Variants in CDH9 observed in about 807,000 individuals in gnomAD.
CDH9 encodes cadherin 9, also known as cadherin-9.
In CDH9, 28 loss-of-function variants were observed where a neutral mutation model predicts 70.9. The observed-to-expected ratio is 0.40, with a 90% CI of 0.29 to 0.54. The LOEUF (loss-of-function observed/expected upper bound fraction) is 0.54. CDH9 is among the 20% of genes least tolerant of loss of function. CDH9 has a pLI of 0.59. For missense variants in CDH9, 874 were observed against 984.4 expected, an observed-to-expected ratio of 0.89 and a Z score of 1.50; for synonymous variants, 409 against 343.1, an observed-to-expected ratio of 1.19 and a Z score of -2.12.
chr5:27,008,843 A>G (rs1409741828), intron 1 of CDH9, among the ~76,000 whole-genome samples: 6 of 152,186 alleles, frequency 3.9e-5, no homozygotes, highest in African/African-American at 9.6e-5. Context: ...TAATACCACT[A>G]TAATTATTTG....
At chr5:26,943,832 A>T (rs1741702541) in intron 2 of CDH9, among the ~76,000 whole-genome samples, 1 of 152,224 alleles carries the variant, frequency 6.6e-6, no homozygotes, top group Admixed American at 6.5e-5. Flanking sequence ...TGCTAATTAC[A>T]TCAGTGTTAT....
intron 1 of CDH9, among the ~76,000 whole-genome samples, chr5:27,008,993 A>G (rs996374080): frequency 6.6e-6 from 1 of 152,198 alleles, no homozygotes; most frequent in Non-Finnish European, 1.5e-5. Context: ...CTTCAAAGGC[A>G]TTAGTGAAGA....
chr5:26,969,848 C>G (rs1742187963), intron 2 of CDH9, among the ~76,000 whole-genome samples: 1 of 92,212 alleles, frequency 1.1e-5, no homozygotes, highest in African/African-American at 4.1e-5. Flanking sequence ...TTTCCTTGTC[C>G]TTTGCTGATT....
chr5:26,952,458 C>CAAAAAAAA (rs766973787), intron 2 of CDH9, among the ~76,000 whole-genome samples: 6 of 9,960 alleles, frequency 6.0e-4, no homozygotes, highest in East Asian at 4.1e-3. Flanking sequence ...ACTAAAAATA[C>CAAAAAAAA]AAAAAAAAAA....
At chr5:26,954,384 C>CTTTTTTTTTTTTTTTTTTTTTTTT (rs141394776) in intron 2 of CDH9, among the ~76,000 whole-genome samples, 6 of 18,352 alleles carry the variant, frequency 3.3e-4, no homozygotes, top group African/African-American at 7.8e-4. Context: ...ATTATACAGC[C>CTTTTTTTTTTTTTTTTTTTTTTTT]TTTCTTTTTT....
intron 7 of CDH9, among the ~76,000 whole-genome samples, chr5:26,896,717 GA>G (rs1740758296): frequency 6.6e-6 from 1 of 152,004 alleles, no homozygotes; most frequent in Non-Finnish European, 1.5e-5. Context: ...GAGAAAGTGG[GA>G]AAGAGCTAAA....
intron 3 of CDH9, among the ~76,000 whole-genome samples, chr5:26,914,088 C>T (rs541006972): frequency 1.3e-5 from 2 of 151,912 alleles, no homozygotes; most frequent in African/African-American, 4.8e-5. Flanking sequence ...CTTAAAGTTT[C>T]TCATATTCAA....
chr5:26,890,051 T>TA (rs1460698798), intron 8 of CDH9, 94 bp from the exon 9 acceptor site: 60 of 1,147,042 alleles, frequency 5.2e-5, no homozygotes, highest in Non-Finnish European at 7.1e-5. Context: ...ATCCTTTTTG[T>TA]GGTGTTCACT....
intron 1 of CDH9, among the ~76,000 whole-genome samples, chr5:27,029,628 G>A (rs764432632): frequency 6.6e-6 from 1 of 151,948 alleles, no homozygotes; most frequent in African/African-American, 2.4e-5. Flanking sequence ...TGTTCAATAA[G>A]GAGAAAATTT....
chr5:26,964,350 T>C (rs1260479577), intron 2 of CDH9, among the ~76,000 whole-genome samples: 1 of 152,162 alleles, frequency 6.6e-6, no homozygotes, highest in Non-Finnish European at 1.5e-5. Flanking sequence ...TTCACTGAGT[T>C]ATGGTGTGTC....
intron 7 of CDH9, among the ~76,000 whole-genome samples, chr5:26,899,644 T>A: frequency 6.6e-6 from 1 of 151,126 alleles, no homozygotes; most frequent in Admixed American, 6.6e-5. Context: ...CTGGGGCCTG[T>A]AGAGGGTAAA....
chr5:26,923,422 A>C (rs932687365), intron 2 of CDH9, among the ~76,000 whole-genome samples: 2 of 152,020 alleles, frequency 1.3e-5, no homozygotes, highest in African/African-American at 4.8e-5. Context: ...TATATATACA[A>C]AGCAAACATT....
At position 26,930,852 on chromosome 5, in the gene CDH9, AGT is replaced by A. The variant is rs375908411; in HGVS notation, c.229-14930_229-14929del. Among the ~76,000 whole-genome samples the A allele has an allele frequency of 1.4e-3, 220 of 152,250 alleles. 1 individual carries two copies. Among genetic ancestry groups the A allele is most frequent in the African/African-American group, 5.1e-3 (213 of 41,578 alleles). On this transcript the variant is annotated intron_variant, in intron 2 of 11. Coordinates refer to ENST00000231021, the MANE Select transcript of CDH9 (RefSeq NM_016279.4). Reference sequence around the variant, plus strand: ...ACATTTCCAAGACATGTTTTAGAATAGTGTGTTTCACTTCAGCCATAAATGTA... The same window carrying A: ...ACATTTCCAAGACATGTTTTAGAATAGTGTTTCACTTCAGCCATAAATGTA...
At chr5:26,889,227 CA>C (rs1021064031) in intron 9 of CDH9, among the ~76,000 whole-genome samples, 2 of 103,932 alleles carry the variant, frequency 1.9e-5, no homozygotes, top group African/African-American at 3.4e-5. Context: ...AAAAATACTA[CA>C]TTTTTTTGTC....
chr5:26,988,106 C>A lies in CDH9; in HGVS notation c.228G>T (p.Lys76Asn). The change falls in exon 2 of 12, where the codon AAG becomes AAT. Residue 76 changes from lysine (K) to asparagine (N), a missense_variant and splice_region_variant. Transcript: ENST00000231021. ...AGATTTCTCATACAAAAATTCTTAC[C>A]TTGCCTACATATTGTGTGTCAGTAC... The part of the protein sequence containing the change: ...YTGTDTQYVG[K>N]LHTDQDKGDG... 6.3e-7 allele frequency: 1 copy of A among 1,593,710 alleles called. No individual in the cohort carries two copies. The highest frequency in any genetic ancestry group is 1.1e-5 in the South Asian group (1 of 89,072).
intron 2 of CDH9, among the ~76,000 whole-genome samples, chr5:26,984,300 A>G (rs1330934977): frequency 6.6e-6 from 1 of 152,166 alleles, no homozygotes; most frequent in Non-Finnish European, 1.5e-5. Context: ...CTAAATACAT[A>G]TTTTTAAATT....
intron 2 of CDH9, among the ~76,000 whole-genome samples, chr5:26,916,722 G>A (rs866132830): frequency 6.6e-6 from 1 of 151,878 alleles, no homozygotes; most frequent in Non-Finnish European, 1.5e-5. Flanking sequence ...AACATTGATT[G>A]TAGATTCACG....
chr5:27,012,904 C>T (rs896261795), intron 1 of CDH9, among the ~76,000 whole-genome samples: 38 of 151,952 alleles, frequency 2.5e-4, no homozygotes, highest in African/African-American at 8.4e-4. Context: ...TGAGCAAACT[C>T]GCATGTTGTT....
intron 1 of CDH9, among the ~76,000 whole-genome samples, chr5:27,010,254 A>G (rs1372128869): frequency 1.3e-5 from 2 of 151,888 alleles, no homozygotes; most frequent in African/African-American, 4.8e-5. Flanking sequence ...GTCACTGGTA[A>G]CCCCCATTCT....
Sources: gnomAD v4.1 joint callset for allele counts (sites outside exome capture counted in the v4.1 genomes callset) on GRCh38, gnomAD v4.1.1 for gene constraint, MANE v1.5 for transcripts, NCBI Gene and HGNC (gene_info 2026-07-23, HGNC 2026-07-21) for gene names.